The following UGT1A8 variants were observed in gnomAD, a reference collection of about 807,000 sequenced individuals.
UGT1A8 encodes the protein UDP-glucuronosyltransferase 1A8.
Under a neutral mutation model 45.3 loss-of-function variants are expected in UGT1A8, and 39 were observed. The ratio of observed to expected loss-of-function variants is 0.86; its 90% CI spans 0.67 to 1.12. The LOEUF (loss-of-function observed/expected upper bound fraction) is 1.12, where lower values mean the gene tolerates loss of function less well. UGT1A8 is among the 50% of genes most tolerant of loss of function. The pLI is 0.00. For missense variants in UGT1A8, 719 were observed against 664.9 expected (o/e 1.08, Z -0.90); for synonymous variants, 275 against 249.2 (o/e 1.10, Z -0.97).
At chr2:233,724,348 C>A (rs1263010840) in intron 1 of UGT1A8, among the ~76,000 whole-genome samples, 27 of 144,638 alleles carry the variant, frequency 1.9e-4, no homozygotes, top group Non-Finnish European at 2.3e-4. Context: ...TGACCCCCCC[C>A]ACCTCCCTCC....
intron 1 of UGT1A8, chr2:233,722,006 C>G (rs1031101213): frequency 6.6e-5 from 17 of 257,220 alleles, no homozygotes; most frequent in African/African-American, 2.9e-4. Context: ...TTTAAGTGAA[C>G]AGGAAAACTG....
chr2:233,693,701 G>C, intron 1 of UGT1A8: 2 of 1,614,192 alleles, frequency 1.2e-6, no homozygotes, highest in Non-Finnish European at 1.7e-6. Flanking sequence ...TGAAGAACTC[G>C]CATCAGCTGT....
chr2:233,649,450 G>C (rs912523680), intron 1 of UGT1A8, among the ~76,000 whole-genome samples: 1 of 152,122 alleles, frequency 6.6e-6, no homozygotes, highest in African/African-American at 2.4e-5. Context: ...GCAGTAAAAT[G>C]TTCTTTGCAG....
intron 1 of UGT1A8, among the ~76,000 whole-genome samples, chr2:233,677,626 G>T (rs911105605): frequency 1.3e-5 from 2 of 151,952 alleles, no homozygotes; most frequent in Admixed American, 6.6e-5. Context: ...ACCACAATAA[G>T]ATATCATCTC....
At chr2:233,739,626 A>G (rs1691159649) in intron 1 of UGT1A8, among the ~76,000 whole-genome samples, 1 of 152,210 alleles carries the variant, frequency 6.6e-6, no homozygotes, top group Non-Finnish European at 1.5e-5. Flanking sequence ...CTCCCATTTG[A>G]AATGGGAACA....
At chr2:233,691,265 C>T (rs896665075) in intron 1 of UGT1A8, 27 of 985,420 alleles carry the variant, frequency 2.7e-5, no homozygotes, top group African/African-American at 1.7e-4. Flanking sequence ...AAGATGCTGC[C>T]GCCCCCATGA....
intron 1 of UGT1A8, among the ~76,000 whole-genome samples, chr2:233,710,769 A>T (rs1428591995): frequency 1.3e-5 from 2 of 152,168 alleles, no homozygotes; most frequent in Non-Finnish European, 2.9e-5. Context: ...TGATTAAGTC[A>T]ATTTTAGCAA....
chr2:233,762,117 T>C (rs1697974110), intron 1 of UGT1A8, among the ~76,000 whole-genome samples: 1 of 152,230 alleles, frequency 6.6e-6, no homozygotes, highest in Non-Finnish European at 1.5e-5. Context: ...CTTCACATCA[T>C]GAGCCATGTG....
At chr2:233,751,815 C>G (rs186854463) in intron 1 of UGT1A8, among the ~76,000 whole-genome samples, 1 of 152,308 alleles carries the variant, frequency 6.6e-6, no homozygotes, top group East Asian at 1.9e-4. Context: ...TTTCCTGAGG[C>G]CTCCCCAGCC....
intron 1 of UGT1A8, chr2:233,755,272 T>C (rs1695839667): frequency 2.6e-6 from 2 of 758,302 alleles, no homozygotes. Context: ...TCCACTATGC[T>C]GGACTGCCAA....
intron 1 of UGT1A8, among the ~76,000 whole-genome samples, chr2:233,756,700 T>C (rs1696300397): frequency 6.6e-6 from 1 of 152,160 alleles, no homozygotes; most frequent in Non-Finnish European, 1.5e-5. Flanking sequence ...CGATGAATTT[T>C]GGGGGGACTT....
intron 1 of UGT1A8, among the ~76,000 whole-genome samples, chr2:233,695,299 C>T (rs532715794): frequency 2.6e-4 from 40 of 151,824 alleles, no homozygotes; most frequent in African/African-American, 8.9e-4. Context: ...CTAATTTTTG[C>T]ATTTTTAGTA....
At chr2:233,712,571 G>T (rs2076241686) in intron 1 of UGT1A8, among the ~76,000 whole-genome samples, 1 of 152,174 alleles carries the variant, frequency 6.6e-6, no homozygotes, top group African/African-American at 2.4e-5. Flanking sequence ...AGCAAATAGG[G>T]TCACATCCAG....
At chr2:233,659,780 A>G (rs1218011305) in intron 1 of UGT1A8, among the ~76,000 whole-genome samples, 2 of 152,224 alleles carry the variant, frequency 1.3e-5, no homozygotes, top group African/African-American at 4.8e-5. Flanking sequence ...TTCAGTGCCC[A>G]TATCATAGAA....
intron 1 of UGT1A8, among the ~76,000 whole-genome samples, chr2:233,728,930 G>T (rs144892248): frequency 2.1e-5 from 3 of 145,550 alleles, no homozygotes; most frequent in Non-Finnish European, 4.4e-5. Flanking sequence ...GTCATGATCG[G>T]TCTTTTCCAG....
At chr2:233,680,965 G>C (rs1380712163) in intron 1 of UGT1A8, among the ~76,000 whole-genome samples, 2 of 152,046 alleles carry the variant, frequency 1.3e-5, no homozygotes, top group Non-Finnish European at 2.9e-5. Context: ...ATTTCTGGAA[G>C]GGTCCATGGA....
chr2:233,690,709 T>C (rs2075004127), intron 1 of UGT1A8: 3 of 1,224,098 alleles, frequency 2.5e-6, no homozygotes, highest in Admixed American at 6.4e-5. Context: ...GGGATCGTCA[T>C]TATGACGAAC....
At chr2:233,725,198 A>C (rs1414997731) in intron 1 of UGT1A8, among the ~76,000 whole-genome samples, 7 of 86,674 alleles carry the variant, frequency 8.1e-5, no homozygotes, top group African/African-American at 6.8e-4. Flanking sequence ...AGGCAGAGGC[A>C]GAGGCAGAGG....
At chr2:233,642,906 G>GTC (rs1323263354) in intron 1 of UGT1A8, among the ~76,000 whole-genome samples, 1 of 150,972 alleles carries the variant, frequency 6.6e-6, no homozygotes, top group Non-Finnish European at 1.5e-5. Context: ...CTCTCTCTCT[G>GTC]TCTCTCTCTC....
Sources: gnomAD v4.1 joint callset for allele counts (sites outside exome capture counted in the v4.1 genomes callset) on GRCh38, gnomAD v4.1.1 for gene constraint, MANE v1.5 for transcripts, NCBI Gene and HGNC (gene_info 2026-07-23, HGNC 2026-07-21) for gene names.